Variants in MAPK10 observed in about 807,000 individuals in gnomAD.
MAPK10 encodes mitogen-activated protein kinase 10, also known as JNK3 alpha protein kinase.
A neutral mutation model predicts 59.3 loss-of-function variants in MAPK10; 25 were observed. The ratio of observed to expected loss-of-function variants is 0.42; its 90% CI spans 0.31 to 0.59. MAPK10 has a LOEUF of 0.59. MAPK10 is among the 20% of genes least tolerant of loss of function. MAPK10 has a pLI of 0.15. For synonymous variants in MAPK10, 190 were observed against 200.5 expected (o/e 0.95, Z 0.44); for missense variants, 351 against 568.9 (o/e 0.62, Z 3.90).
chr4:86,524,814 T>C (rs951473964), intron 1 of MAPK10, among the ~76,000 whole-genome samples: 3 of 150,068 alleles, frequency 2.0e-5, no homozygotes, highest in Non-Finnish European at 3.0e-5. Flanking sequence ...CATTAGCCTA[T>C]CACTCAACAA....
chr4:86,408,086 T>C (rs1389078283), intron 1 of MAPK10, among the ~76,000 whole-genome samples: 2 of 130,934 alleles, frequency 1.5e-5, no homozygotes, highest in East Asian at 5.1e-4. Flanking sequence ...CCGTGTGATG[T>C]TCCCCGCCCT....
intron 4 of MAPK10, among the ~76,000 whole-genome samples, chr4:86,139,708 C>A (rs1431073062): frequency 1.3e-5 from 2 of 152,116 alleles, no homozygotes; most frequent in Middle Eastern, 3.2e-3. Flanking sequence ...TAAAGAGCTT[C>A]TGCACAGCAA....
At chr4:86,201,854 C>A (rs1194144333) in intron 2 of MAPK10, among the ~76,000 whole-genome samples, 1 of 151,262 alleles carries the variant, frequency 6.6e-6, no homozygotes, top group African/African-American at 2.4e-5. Flanking sequence ...GAGTTAACAC[C>A]CTACATTTTT....
intron 2 of MAPK10, among the ~76,000 whole-genome samples, chr4:86,318,408 G>A (rs1335049244): frequency 6.6e-6 from 1 of 152,082 alleles, no homozygotes; most frequent in South Asian, 2.1e-4. Flanking sequence ...ACTAGAGAAA[G>A]TTTCAAATTT....
At chr4:86,422,369 C>T (rs983685374) in intron 1 of MAPK10, among the ~76,000 whole-genome samples, 3 of 152,174 alleles carry the variant, frequency 2.0e-5, no homozygotes, top group Non-Finnish European at 4.4e-5. Context: ...AAAGAGAAGG[C>T]AATGCCTAAC....
intron 11 of MAPK10, among the ~76,000 whole-genome samples, chr4:86,037,438 T>C (rs1193242118): frequency 6.6e-6 from 1 of 151,736 alleles, no homozygotes; most frequent in African/African-American, 2.4e-5. Flanking sequence ...GAGAATGGCA[T>C]AAACTTGGGA....
intron 11 of MAPK10, among the ~76,000 whole-genome samples, chr4:86,038,166 T>G (rs2040734972): frequency 6.6e-6 from 1 of 152,244 alleles, no homozygotes; most frequent in African/African-American, 2.4e-5. Context: ...CATTTTTCCC[T>G]AACACTTATG....
At chr4:86,092,473 C>T (rs1056493475) in intron 9 of MAPK10, among the ~76,000 whole-genome samples, 2 of 152,010 alleles carry the variant, frequency 1.3e-5, no homozygotes, top group African/African-American at 4.8e-5. Context: ...AATTTGCCAT[C>T]TCCACTAACA....
chr4:86,025,387 G>A, intron 13 of MAPK10: 1 of 395,618 alleles, frequency 2.5e-6, no homozygotes, highest in Non-Finnish European at 4.5e-6. Context: ...TTTTCATGTA[G>A]GCAATAAACA....
At chr4:86,573,983 C>G (rs1761667457) in intron 1 of MAPK10, among the ~76,000 whole-genome samples, 1 of 152,084 alleles carries the variant, frequency 6.6e-6, no homozygotes. Context: ...TATACAGGTG[C>G]CATGCTGCTG....
intron 1 of MAPK10, among the ~76,000 whole-genome samples, chr4:86,537,980 C>G (rs1300074923): frequency 1.3e-5 from 2 of 152,048 alleles, no homozygotes; most frequent in Admixed American, 6.6e-5. Context: ...TTAATTCACA[C>G]AGAATCTATG....
chr4:86,360,210 GT>G, upstream of MAPK10: 1 of 985,880 alleles, frequency 1.0e-6, no homozygotes, highest in Non-Finnish European at 1.2e-6. Flanking sequence ...CAGCTACTGT[GT>G]TTTCCGGTGA....
At chr4:86,114,854 C>A (rs961904594) in intron 4 of MAPK10, among the ~76,000 whole-genome samples, 10 of 152,220 alleles carry the variant, frequency 6.6e-5, no homozygotes, top group Non-Finnish European at 1.5e-4. Context: ...TGTCTGAAAA[C>A]CCCTGGCTGG....
intron 9 of MAPK10, among the ~76,000 whole-genome samples, chr4:86,088,834 A>T (rs1424032762): frequency 6.6e-6 from 1 of 152,214 alleles, no homozygotes; most frequent in Non-Finnish European, 1.5e-5. Context: ...ATATCAAAGT[A>T]TAAATCTTCA....
At chr4:86,154,030 G>C (rs560885127) in intron 4 of MAPK10, among the ~76,000 whole-genome samples, 13 of 152,198 alleles carry the variant, frequency 8.5e-5, no homozygotes, top group African/African-American at 3.1e-4. Context: ...GATTAAATCC[G>C]TGTCATTTAG....
intron 1 of MAPK10, among the ~76,000 whole-genome samples, chr4:86,471,991 T>G (rs1752694904): frequency 6.6e-6 from 1 of 152,194 alleles, no homozygotes. Context: ...CCAACATTCA[T>G]CAGGAATAAA....
At chr4:86,416,128 G>A (rs1306912801) in intron 1 of MAPK10, among the ~76,000 whole-genome samples, 2 of 152,158 alleles carry the variant, frequency 1.3e-5, no homozygotes, top group Non-Finnish European at 2.9e-5. Context: ...GTTAAATAAG[G>A]TCATAAGGGC....
chr4:86,464,651 C>A (rs1752035201), intron 1 of MAPK10, among the ~76,000 whole-genome samples: 1 of 152,090 alleles, frequency 6.6e-6, no homozygotes, highest in Non-Finnish European at 1.5e-5. Context: ...GAAACCCCGT[C>A]TCTACTAAAG....
intron 2 of MAPK10, 134 bp downstream of exon 2, chr4:86,354,396 T>A (rs1350522522): frequency 4.9e-6 from 2 of 408,710 alleles, no homozygotes; most frequent in Non-Finnish European, 8.4e-6. Flanking sequence ...GTTCTATTGA[T>A]TTTCACTTCT....
Sources: gnomAD v4.1 joint callset for allele counts (sites outside exome capture counted in the v4.1 genomes callset) on GRCh38, gnomAD v4.1.1 for gene constraint, MANE v1.5 for transcripts, NCBI Gene and HGNC (gene_info 2026-07-23, HGNC 2026-07-21) for gene names.